The following RWDD2B variants were observed in gnomAD, a reference collection of about 807,000 sequenced individuals.
RWDD2B encodes RWD domain containing 2B.
A neutral mutation model predicts 33.6 loss-of-function variants in RWDD2B; 36 were observed. The observed-to-expected ratio is 1.07, with a 90% confidence interval of 0.82 to 1.42. The LOEUF is 1.42. RWDD2B is among the 40% of genes most tolerant of loss of function. The probability of loss-of-function intolerance (pLI) is 0.00; values close to 1 mark genes in which losing one functional copy is unlikely to be tolerated. For synonymous variants in RWDD2B, 126 were observed against 133.1 expected (o/e 0.95, Z 0.37); for missense variants, 364 against 377.5 (o/e 0.96, Z 0.30).
In RWDD2B at chr21:29,004,805, GATCT is replaced by G. The variant is rs1368663051; in HGVS notation, c.*1608_*1611del. On this transcript the variant is annotated 3_prime_UTR_variant, in exon 5 of 5. Transcript: ENST00000493196. ...TATGTTTAACCACCTTTATATTTAA[GATCT>G]ATCCACATTGCCTTCTTCCATTTTA... The G allele has an allele frequency of 1.3e-5, 2 of 152,206 alleles. No homozygotes were observed. The highest frequency in any genetic ancestry group is 2.9e-5 in the Non-Finnish European group (2 of 68,036). 9.4% of individuals were successfully genotyped at this position (152,206 alleles called of 1,614,324 possible). A position where few individuals can be genotyped will look rare whatever the true frequency, so the allele number is the denominator to read the frequency against.
intron 4 of RWDD2B, among the ~76,000 whole-genome samples, chr21:29,007,048 A>G (rs1199241852): frequency 6.6e-6 from 1 of 152,250 alleles, no homozygotes; most frequent in African/African-American, 2.4e-5. Flanking sequence ...GAATTACTGA[A>G]TCCCAAACTA....
Position 29,008,698 on chromosome 21 carries a change from C to G in RWDD2B, c.68-77G>C, listed in dbSNP as rs571516918. The G allele has an allele frequency of 1.7e-5, 15 of 898,514 alleles. No individual in the cohort carries two copies. In the South Asian group the frequency reaches 1.8e-4, roughly 11 times the overall value. 55.7% of individuals were successfully genotyped at this position (898,514 alleles called of 1,614,324 possible). Reference sequence around the variant, plus strand: ...ATGAATACATCAACATGTGTACTTACTAAAATTGTACTTGGTTTCTTCATA... The same window carrying G: ...ATGAATACATCAACATGTGTACTTAGTAAAATTGTACTTGGTTTCTTCATA... On this transcript the variant is annotated intron_variant, in intron 1 of 4. Coordinates refer to ENST00000493196, the MANE Select transcript of RWDD2B (RefSeq NM_016940.3).
chr21:29,012,583 T>A (rs1384500900), intron 1 of RWDD2B, among the ~76,000 whole-genome samples: 1 of 151,748 alleles, frequency 6.6e-6, no homozygotes, highest in Admixed American at 6.6e-5. Context: ...AGCATGCTCC[T>A]TAAGAGTCAT....
intron 1 of RWDD2B, among the ~76,000 whole-genome samples, chr21:29,009,089 G>A (rs2084844172): frequency 6.6e-6 from 1 of 152,136 alleles, no homozygotes; most frequent in Non-Finnish European, 1.5e-5. Context: ...AAATATTAAT[G>A]TTTATTAGGT....
chr21:29,018,350 T>A (rs150991616), intron 1 of RWDD2B, among the ~76,000 whole-genome samples: 9 of 152,322 alleles, frequency 5.9e-5, no homozygotes, highest in African/African-American at 2.2e-4. Flanking sequence ...AAGACACCTG[T>A]TAAATAGAGA....
At chr21:29,006,869 C>T (rs2084831471) in intron 4 of RWDD2B, among the ~76,000 whole-genome samples, 2 of 152,226 alleles carry the variant, frequency 1.3e-5, no homozygotes, top group South Asian at 4.1e-4. Context: ...TGGCCTCAGC[C>T]TCCCAAAGTG....
At chr21:29,012,186 C>CCCG (rs1555851467) in intron 1 of RWDD2B, among the ~76,000 whole-genome samples, 5 of 145,320 alleles carry the variant, frequency 3.4e-5, no homozygotes, top group African/African-American at 1.0e-4. Context: ...AGCCCCCCCC[C>CCCG]GGGAGGTGAG....
chr21:29,014,575 A>C (rs957768295), intron 1 of RWDD2B, among the ~76,000 whole-genome samples: 9 of 152,192 alleles, frequency 5.9e-5, no homozygotes, highest in African/African-American at 2.2e-4. Flanking sequence ...TAATCCCAGC[A>C]CTTTGGGAGG....
rs1444957431 is a variant in RWDD2B at position 29,007,822 on chromosome 21, C to G, written c.664G>C (p.Gly222Arg). 1.2e-6 allele frequency: 2 copies of G among 1,614,208 alleles called. No individual in the cohort carries two copies. The highest frequency in any genetic ancestry group is 3.3e-5 in the Admixed American group (2 of 60,030). The stretch of plus-strand genomic sequence containing the variant: ...TCCACACAAACAACACCAGGTTTTC[C>G]AGGCATGCTAAACCCAGACAGGGAA... ...ELSLSGFSMP[G>R]KPGVVCVEGP... The change falls in exon 4 of 5, where the codon GGA becomes CGA. Residue 222 changes from glycine (G) to arginine (R), a missense_variant. Coordinates refer to ENST00000493196, the MANE Select transcript of RWDD2B (RefSeq NM_016940.3).
intron 1 of RWDD2B, among the ~76,000 whole-genome samples, chr21:29,018,580 CG>C (rs1330646927): frequency 1.3e-5 from 2 of 152,204 alleles, no homozygotes; most frequent in African/African-American, 4.8e-5. Flanking sequence ...CGGACAACTA[CG>C]GGAGTGATGT....
intron 1 of RWDD2B, among the ~76,000 whole-genome samples, chr21:29,018,798 CTGGG>C (rs907649394): frequency 6.6e-6 from 1 of 152,090 alleles, no homozygotes; most frequent in African/African-American, 2.4e-5. Context: ...CAAGATCAGC[CTGGG>C]TAACATAGTA....
intron 1 of RWDD2B, among the ~76,000 whole-genome samples, chr21:29,016,943 A>C (rs1234276891): frequency 6.6e-6 from 1 of 150,546 alleles, no homozygotes; most frequent in Admixed American, 6.7e-5. Flanking sequence ...CGTGCTTGCT[A>C]CTATTATTAT....
At chr21:29,016,290 G>C (rs1288947118) in intron 1 of RWDD2B, among the ~76,000 whole-genome samples, 2 of 151,732 alleles carry the variant, frequency 1.3e-5, no homozygotes, top group Non-Finnish European at 2.9e-5. Context: ...TTGAGACGGA[G>C]TTTCGCTCTT....
rs2084827277 is a variant in RWDD2B, at chr21:29,006,147, AC to A, written c.*269del. 3.7e-6 allele frequency: 1 copy of A among 273,150 alleles called. No homozygotes were observed. The highest frequency in any genetic ancestry group is 2.2e-5 in the African/African-American group (1 of 44,862). 16.9% of individuals were successfully genotyped at this position (273,150 alleles called of 1,614,324 possible). A position where few individuals can be genotyped will look rare whatever the true frequency, so the allele number is the denominator to read the frequency against. The stretch of plus-strand genomic sequence containing the variant: ...GCTGGCAAATTGGAGCACCAACATT[AC>A]CTTTATGGATAATTTCTTTTTCAAA... On this transcript the variant is annotated 3_prime_UTR_variant, in exon 5 of 5. Coordinates refer to ENST00000493196, the MANE Select transcript of RWDD2B (RefSeq NM_016940.3).
At chr21:29,009,605 A>G (rs13047761) in intron 1 of RWDD2B, 18,033 of 151,864 alleles carry the variant, frequency 0.12, 1,437 homozygotes, top group Non-Finnish European at 0.17. Context: ...CGTGTTAGCC[A>G]GGATGGTCTT....
At chr21:29,012,181 C>CCA (rs1555851477) in intron 1 of RWDD2B, among the ~76,000 whole-genome samples, 1 of 148,010 alleles carries the variant, frequency 6.8e-6, no homozygotes, top group Non-Finnish European at 1.5e-5. Flanking sequence ...TGGTCAGCCC[C>CCA]CCCCCGGGAG....
chr21:29,010,130 T>G (rs1181180260), intron 1 of RWDD2B, among the ~76,000 whole-genome samples: 1 of 152,198 alleles, frequency 6.6e-6, no homozygotes, highest in African/African-American at 2.4e-5. Context: ...ATATATAGTA[T>G]GGTAAACTGA....
rs562075881 is a variant in RWDD2B, at chr21:29,013,753, A to T, written c.68-5132T>A. On this transcript the variant is annotated intron_variant, in intron 1 of 4. Transcript: ENST00000493196. ...AAAAGACGATATGTTTATAACGTAGAATTTTCCCTTCAGTAGTTTTTTTAA... is the reference window on the plus strand; with the variant it reads ...AAAAGACGATATGTTTATAACGTAGTATTTTCCCTTCAGTAGTTTTTTTAA... Among the ~76,000 whole-genome samples, 3 of 152,184 alleles carry T rather than the reference A, an allele frequency of 2.0e-5. No individual in the cohort carries two copies. In the East Asian group the frequency reaches 5.8e-4, roughly 29 times the overall value.
intron 1 of RWDD2B, among the ~76,000 whole-genome samples, chr21:29,017,964 C>T (rs777196237): frequency 7.9e-5 from 12 of 152,194 alleles, no homozygotes; most frequent in Non-Finnish European, 1.5e-4. Flanking sequence ...ACTAGTAAAG[C>T]ATGGCCAGAA....
Sources: gnomAD v4.1 joint callset for allele counts (sites outside exome capture counted in the v4.1 genomes callset) on GRCh38, gnomAD v4.1.1 for gene constraint, MANE v1.5 for transcripts, NCBI Gene and HGNC (gene_info 2026-07-23, HGNC 2026-07-21) for gene names.